USH2A: variants seen among roughly 807,000 people sequenced by gnomAD.
The protein encoded by USH2A is Usher syndrome 2A (autosomal recessive, mild).
Under a neutral mutation model 538.9 loss-of-function variants are expected in USH2A, and 443 were observed. The observed-to-expected ratio is 0.82, with a 90% confidence interval of 0.76 to 0.89. The LOEUF (loss-of-function observed/expected upper bound fraction) is 0.89, where lower values mean the gene tolerates loss of function less well. USH2A is among the 40% of genes least tolerant of loss of function. The probability of loss-of-function intolerance (pLI) is 0.00; values close to 1 mark genes in which losing one functional copy is unlikely to be tolerated. For missense variants in USH2A, 6,633 were observed against 6,324.8 expected, an observed-to-expected ratio of 1.05 and a Z score of -1.65; for synonymous variants, 2,413 against 2,273.5, an observed-to-expected ratio of 1.06 and a Z score of -1.75.
chr1:216,151,947 C>A (rs1160961662), intron 21 of USH2A, among the ~76,000 whole-genome samples: 1 of 152,012 alleles, frequency 6.6e-6, no homozygotes, highest in East Asian at 1.9e-4. Flanking sequence ...CTCAATTCAT[C>A]CAAAACCATA....
At chr1:215,653,466 T>C (rs1175685807) in intron 64 of USH2A, among the ~76,000 whole-genome samples, 2 of 152,204 alleles carry the variant, frequency 1.3e-5, no homozygotes, top group Non-Finnish European at 2.9e-5. Context: ...TAAATCAACA[T>C]GCTTATGCAA....
intron 36 of USH2A, among the ~76,000 whole-genome samples, chr1:215,968,210 A>G (rs1667402869): frequency 6.6e-6 from 1 of 152,202 alleles, no homozygotes; most frequent in Non-Finnish European, 1.5e-5. Flanking sequence ...GCACATTAGC[A>G]TCTAAAAATT....
At chr1:215,905,278 C>T (rs909198749) in intron 38 of USH2A, among the ~76,000 whole-genome samples, 2 of 152,054 alleles carry the variant, frequency 1.3e-5, no homozygotes. Context: ...GACATCCCAC[C>T]AACATGTTAC....
At chr1:215,804,021 C>T (rs1361378677) in intron 49 of USH2A, among the ~76,000 whole-genome samples, 1 of 152,092 alleles carries the variant, frequency 6.6e-6, no homozygotes, top group Admixed American at 6.6e-5. Context: ...CTGACAAAAA[C>T]AAGAAATGGG....
At chr1:216,382,300 G>A (rs1450388106) in intron 3 of USH2A, among the ~76,000 whole-genome samples, 18 of 152,172 alleles carry the variant, frequency 1.2e-4, no homozygotes, top group Admixed American at 9.8e-4. Flanking sequence ...AAATGTTGAT[G>A]CCAAATGAGT....
intron 38 of USH2A, among the ~76,000 whole-genome samples, chr1:215,933,723 G>C (rs1286308551): frequency 1.3e-5 from 2 of 151,942 alleles, no homozygotes. Context: ...ATAAAAGATT[G>C]TGACATTCTC....
At chr1:215,927,416 A>C (rs933948078) in intron 38 of USH2A, among the ~76,000 whole-genome samples, 1 of 152,156 alleles carries the variant, frequency 6.6e-6, no homozygotes, top group Non-Finnish European at 1.5e-5. Context: ...TTAACACTCC[A>C]AGAAAACAAC....
At chr1:215,628,574 C>T (rs551222129) in intron 71 of USH2A, among the ~76,000 whole-genome samples, 2 of 152,158 alleles carry the variant, frequency 1.3e-5, no homozygotes, top group East Asian at 1.9e-4. Flanking sequence ...TGAGCCACCA[C>T]GGCTAGCCAA....
At position 215,938,587 on chromosome 1, in the gene USH2A, G is replaced by A. The variant is rs144407501; in HGVS notation, c.7121-3792C>T. On this transcript the variant is annotated intron_variant, in intron 37 of 71. Transcript: ENST00000307340. ...GTGAAAGTGATAAGTGTGTCCTATC[G>A]CAGGCGACCATTCCTGTCTGGTTGG... Among the ~76,000 whole-genome samples, 235 of 152,214 alleles carry A rather than the reference G, an allele frequency of 1.5e-3. 1 individual carries two copies. Among genetic ancestry groups the A allele is most frequent in the African/African-American group, 5.1e-3 (211 of 41,546 alleles).
intron 21 of USH2A, among the ~76,000 whole-genome samples, chr1:216,141,447 T>A (rs1408068491): frequency 6.6e-6 from 1 of 152,180 alleles, no homozygotes; most frequent in Non-Finnish European, 1.5e-5. Context: ...CTCAGCATAC[T>A]AACAGCCTTT....
At position 215,996,560 on chromosome 1, in the gene USH2A, GTTTTTTTTTTTTTTTT is replaced by G. The variant is rs753233925; in HGVS notation, c.6657+2311_6657+2326del. On this transcript the variant is annotated intron_variant, in intron 34 of 71. Transcript: ENST00000307340. ...TTTGTTGAGAGTAGCAACATATTAT[GTTTTTTTTTTTTTTTT>G]TTTTTTTTTTTTTTTTTTTGCAGTG... Among the ~76,000 whole-genome samples, 119 of 51,718 alleles carry G rather than the reference GTTTTTTTTTTTTTTTT, an allele frequency of 2.3e-3. 1 individual carries two copies. Among genetic ancestry groups the G allele is most frequent in the Middle Eastern group, 0.029 (1 of 34 alleles). 33.9% of individuals were successfully genotyped at this position (51,718 alleles called of 152,430 possible).
rs201055322 is a variant in USH2A at position 216,250,445 on chromosome 1, GA to G, written c.2167+457del. Among the ~76,000 whole-genome samples the G allele has an allele frequency of 9.9e-3, 1,501 of 151,898 alleles. 23 individuals carry two copies. Among genetic ancestry groups the G allele is most frequent in the African/African-American group, 0.034 (1,407 of 41,456 alleles). On this transcript the variant is annotated intron_variant, in intron 12 of 71. Transcript: ENST00000307340. The stretch of plus-strand genomic sequence containing the variant: ...AGGAACAGTTCAAAGAAATATAACA[GA>G]AAAAAATGGAAAGATTTATCACAAA...
intron 34 of USH2A, among the ~76,000 whole-genome samples, chr1:215,993,509 AACACACACACACACAC>A: frequency 6.8e-6 from 1 of 146,454 alleles, no homozygotes; most frequent in South Asian, 2.2e-4. Context: ...GAGTGAATTA[AACACACACACACACAC>A]ACACACACAC....
chr1:215,825,614 G>A (rs1663129654), intron 47 of USH2A, among the ~76,000 whole-genome samples: 1 of 152,050 alleles, frequency 6.6e-6, no homozygotes, highest in Non-Finnish European at 1.5e-5. Context: ...AATTGTTATG[G>A]ATTAAATAGC....
At chr1:215,655,725 CTTTTTTTTTTTTTTT>C (rs766225635) in intron 64 of USH2A, among the ~76,000 whole-genome samples, 10 of 96,172 alleles carry the variant, frequency 1.0e-4, no homozygotes, top group Non-Finnish European at 2.0e-4. Flanking sequence ...GCTAGTTATT[CTTTTTTTTTTTTTTT>C]TTTTTTTTTC....
chr1:216,359,070 C>G (rs746159314), intron 4 of USH2A, among the ~76,000 whole-genome samples: 1 of 152,112 alleles, frequency 6.6e-6, no homozygotes, highest in African/African-American at 2.4e-5. Context: ...AAATTCTTCA[C>G]GCAGAGTATT....
chr1:216,208,922 G>A lies in USH2A; in HGVS notation c.3158-1491C>T, dbSNP rs549668782. On this transcript the variant is annotated intron_variant, in intron 15 of 71. Coordinates refer to ENST00000307340, the MANE Select transcript of USH2A (RefSeq NM_206933.4). Reference sequence around the variant, plus strand: ...AACTCAGTGCACAGGGTTTTTATTGGGGGCTGTTCCTATGAGCAGCCTCTA... The same window carrying A: ...AACTCAGTGCACAGGGTTTTTATTGAGGGCTGTTCCTATGAGCAGCCTCTA... Among the ~76,000 whole-genome samples the A allele has an allele frequency of 7.7e-4, 117 of 152,202 alleles. 1 individual carries two copies. The highest frequency in any genetic ancestry group is 2.7e-3 in the African/African-American group (111 of 41,532).
At chr1:216,103,456 G>T (rs2032642013) in intron 21 of USH2A, among the ~76,000 whole-genome samples, 1 of 152,156 alleles carries the variant, frequency 6.6e-6, no homozygotes. Flanking sequence ...ATTTCAAAAT[G>T]ATTGGAAATT....
At chr1:216,114,599 C>T (rs185535492) in intron 21 of USH2A, among the ~76,000 whole-genome samples, 79 of 152,200 alleles carry the variant, frequency 5.2e-4, no homozygotes, top group African/African-American at 1.9e-3. Flanking sequence ...GTAAAGCTGA[C>T]TACAATGCAT....
Sources: gnomAD v4.1 joint callset for allele counts (sites outside exome capture counted in the v4.1 genomes callset) on GRCh38, gnomAD v4.1.1 for gene constraint, MANE v1.5 for transcripts, NCBI Gene and HGNC (gene_info 2026-07-23, HGNC 2026-07-21) for gene names.